The following NEK11 variants were observed in gnomAD, a reference collection of about 807,000 sequenced individuals.
The protein encoded by NEK11 is NIMA related kinase 11, also known as serine/threonine-protein kinase Nek11.
Under a neutral mutation model 80.7 loss-of-function variants are expected in NEK11, and 72 were observed. The observed-to-expected ratio is 0.89, with a 90% CI of 0.74 to 1.08. The LOEUF (loss-of-function observed/expected upper bound fraction) is 1.08. Ranked by LOEUF, NEK11 falls within the 50% of genes least tolerant of loss-of-function variation. The probability of loss-of-function intolerance (pLI) is 0.00; values close to 1 mark genes in which losing one functional copy is unlikely to be tolerated. For missense variants in NEK11, 764 were observed against 763.6 expected (o/e 1.00, Z -0.01); for synonymous variants, 251 against 260.7 (o/e 0.96, Z 0.36).
At chr3:131,154,731 A>C in intron 9 of NEK11, 1 of 285,556 alleles carries the variant, frequency 3.5e-6, no homozygotes, top group Non-Finnish European at 6.7e-6. Context: ...ACAGTCTGGG[A>C]GGTTGGAAAA....
At chr3:131,213,696 C>T (rs1228655760) in intron 14 of NEK11, among the ~76,000 whole-genome samples, 1 of 152,256 alleles carries the variant, frequency 6.6e-6, no homozygotes, top group East Asian at 1.9e-4. Context: ...AGCAGCATCT[C>T]CATCACCTCG....
chr3:131,186,944 C>T (rs2093624202), intron 14 of NEK11, among the ~76,000 whole-genome samples: 1 of 152,128 alleles, frequency 6.6e-6, no homozygotes, highest in African/African-American at 2.4e-5. Flanking sequence ...TAAGTGAACT[C>T]CTGGTTTTAG....
At chr3:131,163,945 A>G (rs1214772886) in intron 11 of NEK11, among the ~76,000 whole-genome samples, 4 of 152,160 alleles carry the variant, frequency 2.6e-5, no homozygotes, top group East Asian at 3.8e-4. Flanking sequence ...TCCTCTGCCA[A>G]TATTTTGGTA....
intron 16 of NEK11, among the ~76,000 whole-genome samples, chr3:131,254,819 A>G (rs1243463610): frequency 6.6e-6 from 1 of 152,246 alleles, no homozygotes; most frequent in Non-Finnish European, 1.5e-5. Flanking sequence ...CAGGAGTTCA[A>G]GACCAGCCAG....
At chr3:131,104,909 C>T (rs2078953869) in intron 4 of NEK11, among the ~76,000 whole-genome samples, 1 of 152,218 alleles carries the variant, frequency 6.6e-6, no homozygotes, top group Admixed American at 6.5e-5. Flanking sequence ...ATCCTCTCAT[C>T]CTTTCCTTGC....
chr3:131,270,325 T>A (rs2108628342), intron 16 of NEK11, among the ~76,000 whole-genome samples: 1 of 152,314 alleles, frequency 6.6e-6, no homozygotes, highest in East Asian at 1.9e-4. Context: ...AAAGTGTGGT[T>A]GCAGGACCAG....
chr3:131,264,694 GGGCTCTTTTTT>G (rs2096011137), intron 16 of NEK11, among the ~76,000 whole-genome samples: 1 of 152,116 alleles, frequency 6.6e-6, no homozygotes, highest in Non-Finnish European at 1.5e-5. Flanking sequence ...TTGGCAATGT[GGGCTCTTTTTT>G]GGTTCCATAT....
chr3:131,226,794 A>G (rs1024940659), intron 14 of NEK11, among the ~76,000 whole-genome samples: 2 of 152,270 alleles, frequency 1.3e-5, no homozygotes, highest in African/African-American at 4.8e-5. Context: ...TCACCCATGT[A>G]ACCAAAAACC....
chr3:131,177,364 TTAAG>T (rs1196648718), intron 14 of NEK11, among the ~76,000 whole-genome samples: 8 of 152,176 alleles, frequency 5.3e-5, no homozygotes, highest in Admixed American at 2.0e-4. Context: ...ATTTACTGTA[TTAAG>T]TGAGACAACA....
chr3:131,141,786 A>T (rs1018825521), intron 7 of NEK11, among the ~76,000 whole-genome samples: 5 of 152,160 alleles, frequency 3.3e-5, no homozygotes. Context: ...GCTGTAGGAC[A>T]AAGTGTGTAT....
At chr3:131,128,485 G>A (rs2083765984) in intron 5 of NEK11, among the ~76,000 whole-genome samples, 1 of 152,112 alleles carries the variant, frequency 6.6e-6, no homozygotes, top group Non-Finnish European at 1.5e-5. Flanking sequence ...TGCCTTAATA[G>A]CTCATATCTT....
rs141991923 is a variant in NEK11 at position 131,073,423 on chromosome 3, C to A, written c.171-7000C>A. ...ATGGAAATATAATCTAGACAGCAGC[C>A]AGAAATAGCATGTTTGCCAAACAAA... On this transcript the variant is annotated intron_variant, in intron 3 of 17. Coordinates refer to ENST00000383366, the MANE Select transcript of NEK11 (RefSeq NM_024800.5). Among the ~76,000 whole-genome samples, 360 of 152,222 alleles carry A rather than the reference C, an allele frequency of 2.4e-3. 1 individual carries two copies. The highest frequency in any genetic ancestry group is 8.2e-3 in the African/African-American group (339 of 41,530).
chr3:131,249,692 G>C (rs2095665655), intron 16 of NEK11, among the ~76,000 whole-genome samples: 1 of 152,092 alleles, frequency 6.6e-6, no homozygotes, highest in Non-Finnish European at 1.5e-5. Flanking sequence ...GAAAAGCATG[G>C]ACTCTTTAGA....
chr3:131,048,964 C>T (rs747212259), intron 3 of NEK11, among the ~76,000 whole-genome samples: 11 of 152,202 alleles, frequency 7.2e-5, no homozygotes, highest in Admixed American at 2.0e-4. Flanking sequence ...TACAGAAGCA[C>T]TGTAAGGAGG....
chr3:131,333,535 G>A lies in NEK11; in HGVS notation c.1719-16022G>A, dbSNP rs376678386. ...ATCATGCCAAAATGTAAAGACCATC[G>A]AGGCTAGGAAGAAACTGCATCAACT... On this transcript the variant is annotated intron_variant, in intron 17 of 17. Transcript: ENST00000383366. Among the ~76,000 whole-genome samples the A allele has an allele frequency of 1.9e-3, 296 of 152,124 alleles. 2 individuals are homozygous for A. Among genetic ancestry groups the A allele is most frequent in the African/African-American group, 5.0e-3 (207 of 41,508 alleles).
chr3:131,228,735 G>T, intron 15 of NEK11, 47 bp downstream of exon 15: 2 of 1,550,208 alleles, frequency 1.3e-6, no homozygotes, highest in South Asian at 2.5e-5. Flanking sequence ...TCAAGGTACT[G>T]ATTGGACTCT....
intron 17 of NEK11, among the ~76,000 whole-genome samples, chr3:131,338,123 T>C (rs2097218920): frequency 6.6e-6 from 1 of 152,018 alleles, no homozygotes. Flanking sequence ...CACGCCGCCA[T>C]GCCCGGCTTA....
chr3:131,277,354 T>G (rs2096310931), intron 17 of NEK11, among the ~76,000 whole-genome samples: 1 of 152,222 alleles, frequency 6.6e-6, no homozygotes, highest in African/African-American at 2.4e-5. Flanking sequence ...CACTTTCCCT[T>G]GGATGTCCAT....
chr3:131,058,493 A>G (rs756276152), intron 3 of NEK11, among the ~76,000 whole-genome samples: 2 of 152,178 alleles, frequency 1.3e-5, no homozygotes, highest in Non-Finnish European at 2.9e-5. Flanking sequence ...CCAGCCCCAG[A>G]TTAGAGTTGC....
Sources: gnomAD v4.1 joint callset for allele counts (sites outside exome capture counted in the v4.1 genomes callset) on GRCh38, gnomAD v4.1.1 for gene constraint, MANE v1.5 for transcripts, NCBI Gene and HGNC (gene_info 2026-07-23, HGNC 2026-07-21) for gene names.